Variants in EPHA6 observed in about 807,000 individuals in gnomAD.
EPHA6 encodes the protein EPH receptor A6, also known as ephrin type-A receptor 6.
In EPHA6, 50 loss-of-function variants were observed where a neutral mutation model predicts 112.0. The ratio of observed to expected loss-of-function variants is 0.45; its 90% CI spans 0.36 to 0.56. The LOEUF (loss-of-function observed/expected upper bound fraction) is 0.56. EPHA6 is among the 20% of genes least tolerant of loss of function. The pLI is 0.00. For synonymous variants in EPHA6, 529 were observed against 490.7 expected, an observed-to-expected ratio of 1.08 and a Z score of -1.03; for missense variants, 1,280 against 1,417.4, an observed-to-expected ratio of 0.90 and a Z score of 1.56.
rs540222000 is a variant in EPHA6 at position 96,882,867 on chromosome 3, T to C, written c.450+15978T>C. 2.0e-5 allele frequency among the ~76,000 whole-genome samples: 3 copies of C among 152,256 alleles called. No individual in the cohort carries two copies. The South Asian group carries it at 6.2e-4, about 32-fold the overall frequency. ...GGTTGGTTCTATGAGTTTGCAGCTG[T>C]GAATTGTGCTGCTATAAACATGCGT... On this transcript the variant is annotated intron_variant, in intron 2 of 17. Transcript: ENST00000389672.
At chr3:97,082,353 C>T (rs973489596) in intron 3 of EPHA6, among the ~76,000 whole-genome samples, 1 of 151,722 alleles carries the variant, frequency 6.6e-6, no homozygotes, top group African/African-American at 2.4e-5. Context: ...TGCTAAATAG[C>T]GTGTTATTTA....
intron 10 of EPHA6, among the ~76,000 whole-genome samples, chr3:97,518,806 T>C (rs2092490118): frequency 6.6e-6 from 1 of 152,134 alleles, no homozygotes; most frequent in African/African-American, 2.4e-5. Context: ...ATGCATATCC[T>C]TTGCCCACTT....
chr3:96,923,486 T>A (rs1340847001), intron 2 of EPHA6, among the ~76,000 whole-genome samples: 5 of 152,124 alleles, frequency 3.3e-5, no homozygotes. Flanking sequence ...TTTAAGGTTT[T>A]TTTTTTTCCT....
chr3:97,598,185 G>C (rs2093610334), intron 12 of EPHA6, among the ~76,000 whole-genome samples: 1 of 147,978 alleles, frequency 6.8e-6, no homozygotes, highest in African/African-American at 2.5e-5. Flanking sequence ...ACACCTGTTT[G>C]TTTATTTTTG....
At chr3:97,043,808 A>G (rs1230570804) in intron 3 of EPHA6, among the ~76,000 whole-genome samples, 2 of 152,210 alleles carry the variant, frequency 1.3e-5, no homozygotes, top group Non-Finnish European at 2.9e-5. Context: ...AAAGAAATAT[A>G]TCTGTTCAGC....
At chr3:97,071,137 A>G (rs921037066) in intron 3 of EPHA6, among the ~76,000 whole-genome samples, 1 of 152,016 alleles carries the variant, frequency 6.6e-6, no homozygotes, top group Non-Finnish European at 1.5e-5. Context: ...GGTTTTTCAC[A>G]ACTTTGGCCA....
At chr3:97,213,686 T>C (rs1000979169) in intron 3 of EPHA6, among the ~76,000 whole-genome samples, 45 of 151,804 alleles carry the variant, frequency 3.0e-4, no homozygotes, top group African/African-American at 1.0e-3. Flanking sequence ...ACATTTTGTC[T>C]TCTCCAATGT....
At chr3:97,364,006 A>G (rs2084565299) in intron 5 of EPHA6, among the ~76,000 whole-genome samples, 1 of 152,046 alleles carries the variant, frequency 6.6e-6, no homozygotes. Flanking sequence ...CTGGGAGAGG[A>G]CAAAATGGGG....
intron 10 of EPHA6, among the ~76,000 whole-genome samples, chr3:97,512,531 G>A (rs1212581842): frequency 6.6e-6 from 1 of 151,972 alleles, no homozygotes; most frequent in Non-Finnish European, 1.5e-5. Context: ...CTTAGACGTG[G>A]CTATCTAAAC....
intron 3 of EPHA6, among the ~76,000 whole-genome samples, chr3:97,071,989 G>C (rs1000896203): frequency 6.6e-6 from 1 of 151,902 alleles, no homozygotes; most frequent in African/African-American, 2.4e-5. Context: ...GCCTTCCTGA[G>C]TTACTTCACT....
intron 11 of EPHA6, among the ~76,000 whole-genome samples, chr3:97,550,495 G>C (rs1169149574): frequency 1.3e-5 from 2 of 152,136 alleles, no homozygotes; most frequent in African/African-American, 4.8e-5. Context: ...CCCAACTAAT[G>C]AATCAAGGAG....
chr3:97,201,656 A>G (rs373914393), intron 3 of EPHA6, among the ~76,000 whole-genome samples: 1 of 152,134 alleles, frequency 6.6e-6, no homozygotes, highest in Non-Finnish European at 1.5e-5. Context: ...ATTTGTTTTC[A>G]AGTTAAATTT....
chr3:96,824,964 T>C (rs532060980), intron 1 of EPHA6, among the ~76,000 whole-genome samples: 4 of 151,916 alleles, frequency 2.6e-5, no homozygotes, highest in African/African-American at 7.2e-5. Context: ...ATAAGATGGA[T>C]AAAATGAAGA....
intron 16 of EPHA6, among the ~76,000 whole-genome samples, chr3:97,742,707 G>A (rs1189983891): frequency 3.3e-5 from 5 of 151,974 alleles, no homozygotes; most frequent in Admixed American, 6.6e-5. Context: ...CGCATTTGAG[G>A]TTTCATAGCC....
chr3:97,034,062 TTATAAAA>T (rs1335983181), intron 3 of EPHA6, among the ~76,000 whole-genome samples: 1 of 151,952 alleles, frequency 6.6e-6, no homozygotes, highest in Non-Finnish European at 1.5e-5. Context: ...CTGTGTCACA[TTATAAAA>T]TATATTCTAA....
At chr3:97,139,166 A>C (rs1481473736) in intron 3 of EPHA6, among the ~76,000 whole-genome samples, 1 of 152,164 alleles carries the variant, frequency 6.6e-6, no homozygotes, top group Non-Finnish European at 1.5e-5. Flanking sequence ...AACATTGGAC[A>C]TGGACCTCAG....
At chr3:96,902,029 A>G (rs2038643083) in intron 2 of EPHA6, among the ~76,000 whole-genome samples, 1 of 152,184 alleles carries the variant, frequency 6.6e-6, no homozygotes, top group Non-Finnish European at 1.5e-5. Flanking sequence ...GGGGGTAATT[A>G]CACCAATTTC....
chr3:97,315,653 AT>A (rs1168759833), intron 5 of EPHA6, among the ~76,000 whole-genome samples: 1 of 151,726 alleles, frequency 6.6e-6, no homozygotes, highest in East Asian at 1.9e-4. Context: ...AAAAGGAGAA[AT>A]TTTTAGTGAA....
intron 7 of EPHA6, among the ~76,000 whole-genome samples, chr3:97,459,968 C>T (rs1356556587): frequency 6.6e-6 from 1 of 152,172 alleles, no homozygotes; most frequent in Non-Finnish European, 1.5e-5. Context: ...AAAACTGGAG[C>T]TAAGCCATCC....
Sources: gnomAD v4.1 joint callset for allele counts (sites outside exome capture counted in the v4.1 genomes callset) on GRCh38, gnomAD v4.1.1 for gene constraint, MANE v1.5 for transcripts, NCBI Gene and HGNC (gene_info 2026-07-23, HGNC 2026-07-21) for gene names.